ZC3H7B: variants seen among roughly 807,000 people sequenced by gnomAD.
The protein encoded by ZC3H7B is zinc finger CCCH-type containing 7B.
A neutral mutation model predicts 116.0 loss-of-function variants in ZC3H7B; 35 were observed. The observed-to-expected ratio is 0.30, with a 90% confidence interval of 0.23 to 0.40. The LOEUF is 0.40. ZC3H7B is among the 10% of genes least tolerant of loss of function. ZC3H7B has a pLI of 1.00. For synonymous variants in ZC3H7B, 502 were observed against 545.6 expected, an observed-to-expected ratio of 0.92 and a Z score of 1.11; for missense variants, 1,011 against 1,321.5, an observed-to-expected ratio of 0.77 and a Z score of 3.64.
intron 1 of ZC3H7B, among the ~76,000 whole-genome samples, chr22:41,319,583 A>G (rs2036228779): frequency 6.6e-6 from 1 of 151,150 alleles, no homozygotes; most frequent in South Asian, 2.1e-4. Context: ...AAAAAAAAAA[A>G]AAAAAAGGTC....
At chr22:41,316,666 A>C (rs1030591331) in intron 1 of ZC3H7B, among the ~76,000 whole-genome samples, 3 of 133,060 alleles carry the variant, frequency 2.3e-5, no homozygotes, top group Non-Finnish European at 3.1e-5. Flanking sequence ...TGGCACGATC[A>C]CGGTTCACTG....
chr22:41,347,028 C>T (rs1224308633), intron 14 of ZC3H7B, among the ~76,000 whole-genome samples: 2 of 152,074 alleles, frequency 1.3e-5, no homozygotes, highest in Non-Finnish European at 2.9e-5. Context: ...GCAGATATCC[C>T]CATTTTACAG....
At chr22:41,348,760 A>G (rs2036620521) in intron 15 of ZC3H7B, among the ~76,000 whole-genome samples, 1 of 152,182 alleles carries the variant, frequency 6.6e-6, no homozygotes, top group South Asian at 2.1e-4. Flanking sequence ...CTGGGGCTGC[A>G]GTGAGGGTAA....
chr22:41,332,320 G>GCC (rs1205237034), intron 7 of ZC3H7B, 93 bp downstream of exon 7: 1 of 1,492,622 alleles, frequency 6.7e-7, no homozygotes, highest in Non-Finnish European at 9.3e-7. Flanking sequence ...CAGGCAGTGG[G>GCC]TCCAGGGGCC....
At position 41,301,667 on chromosome 22, in the gene ZC3H7B, AT is replaced by A. The variant is rs1211387320; in HGVS notation, c.-109del. ...ATGCGGCCGCCCGTAATTAAATAGCATTTACTCTTATTATTACTAATAATAA... is the reference window on the plus strand; with the variant it reads ...ATGCGGCCGCCCGTAATTAAATAGCATTACTCTTATTATTACTAATAATAA... On this transcript the variant is annotated 5_prime_UTR_variant, in exon 1 of 23. Transcript: ENST00000352645. The A allele has an allele frequency of 6.6e-6, 1 of 152,146 alleles. No homozygotes were observed. The highest frequency in any genetic ancestry group is 1.5e-5 in the Non-Finnish European group (1 of 68,018). 9.4% of individuals were successfully genotyped at this position (152,146 alleles called of 1,614,324 possible). A position where few individuals can be genotyped will look rare whatever the true frequency, so the allele number is the denominator to read the frequency against.
Position 41,320,635 on chromosome 22 carries a change from G to A in ZC3H7B, c.-6-20G>A, listed in dbSNP as rs1236957032. Reference sequence around the variant, plus strand: ...CCTGGCTCTTGCTGACTGACTGATGGACTGTGCTCTCTTCCCCAGAGACTG... The same window carrying A: ...CCTGGCTCTTGCTGACTGACTGATGAACTGTGCTCTCTTCCCCAGAGACTG... On this transcript the variant is annotated intron_variant, in intron 1 of 22. Coordinates refer to ENST00000352645, the MANE Select transcript of ZC3H7B (RefSeq NM_017590.6). The A allele has an allele frequency of 1.2e-6, 2 of 1,613,448 alleles. No homozygotes were observed. Among genetic ancestry groups the A allele is most frequent in the Non-Finnish European group, 1.7e-6 (2 of 1,179,694 alleles).
chr22:41,305,176 C>G (rs537764475), intron 1 of ZC3H7B, among the ~76,000 whole-genome samples: 1 of 152,276 alleles, frequency 6.6e-6, no homozygotes, highest in Admixed American at 6.5e-5. Flanking sequence ...GAAACCCCAC[C>G]TCTACTAAAA....
At position 41,348,208 on chromosome 22, in the gene ZC3H7B, G is replaced by A. The variant is rs745644348; in HGVS notation, c.1766+41G>A. 3.8e-6 allele frequency: 6 copies of A among 1,564,680 alleles called. No individual in the cohort carries two copies. In the African/African-American group the frequency reaches 6.8e-5, roughly 18 times the overall value. ...AGCCCAGGCTGAGGCCTAGGGGCCA[G>A]TGGAGAGTCCCCTCAGGCAGCTCAG... On this transcript the variant is annotated intron_variant, in intron 15 of 22. Coordinates refer to ENST00000352645, the MANE Select transcript of ZC3H7B (RefSeq NM_017590.6).
At chr22:41,317,117 C>T (rs981057479) in intron 1 of ZC3H7B, among the ~76,000 whole-genome samples, 6 of 152,086 alleles carry the variant, frequency 3.9e-5, no homozygotes, top group Admixed American at 6.6e-5. Context: ...GGATTACAGG[C>T]GTGAGCCACC....
rs2036470520 is a variant in ZC3H7B at position 41,338,223 on chromosome 22, A to G, written c.583-90A>G. The G allele has an allele frequency of 7.1e-7, 1 of 1,401,738 alleles. No individual in the cohort carries two copies. The highest frequency in any genetic ancestry group is 1.5e-5 in the African/African-American group (1 of 68,026). 86.8% of individuals were successfully genotyped at this position (1,401,738 alleles called of 1,614,324 possible). ...TCTAAGTGCTCCTCGGTGCTGGGTC[A>G]ACAGCATAGTCACGTGGGGAGGGGC... is the stretch of plus-strand genomic sequence containing the variant. On this transcript the variant is annotated intron_variant, in intron 7 of 22. Coordinates refer to ENST00000352645, the MANE Select transcript of ZC3H7B (RefSeq NM_017590.6). The surrounding 1 kb of genome is among the most constrained non-coding windows in gnomAD (Gnocchi z 4.5).
At chr22:41,329,793 T>G (rs1278959448) in intron 5 of ZC3H7B, among the ~76,000 whole-genome samples, 2 of 152,214 alleles carry the variant, frequency 1.3e-5, no homozygotes, top group Non-Finnish European at 2.9e-5. Context: ...ATGATTCATT[T>G]TCCATCCCCA....
At chr22:41,323,873 A>T (rs1601772942) in intron 2 of ZC3H7B, among the ~76,000 whole-genome samples, 1 of 152,188 alleles carries the variant, frequency 6.6e-6, no homozygotes, top group African/African-American at 2.4e-5. Context: ...GATCCCGACC[A>T]TCCCGGCTAA....
At chr22:41,326,598 C>T (rs183737112) in intron 4 of ZC3H7B, among the ~76,000 whole-genome samples, 2 of 152,082 alleles carry the variant, frequency 1.3e-5, no homozygotes, top group Admixed American at 6.6e-5. Context: ...TGTTTCTTTG[C>T]GGACTTCAGT....
In ZC3H7B at chr22:41,343,442, G is replaced by A. The variant is rs200457581; in HGVS notation, c.1325G>A (p.Arg442His). Residue 442 changes from arginine (R) to histidine (H), a missense_variant, in exon 13 of 23, where the codon CGT becomes CAT. Coordinates refer to ENST00000352645, the MANE Select transcript of ZC3H7B (RefSeq NM_017590.6). The part of the protein sequence containing the change: ...TGPRAGDYTY[R>H]EGLEHKCKRD... ...CCCCGGGCTGGCGACTACACCTACCGTGAGGGCCTTGAGCACAAGTGCAAG... is the reference window on the plus strand; with the variant it reads ...CCCCGGGCTGGCGACTACACCTACCATGAGGGCCTTGAGCACAAGTGCAAG... 45 of 1,613,356 alleles carry A rather than the reference G, an allele frequency of 2.8e-5. No homozygotes were observed. The highest frequency in any genetic ancestry group is 4.0e-5 in the African/African-American group (3 of 74,934).
At chr22:41,344,419 G>A (rs1601789938) in intron 13 of ZC3H7B, among the ~76,000 whole-genome samples, 1 of 152,124 alleles carries the variant, frequency 6.6e-6, no homozygotes, top group South Asian at 2.1e-4. Context: ...AGACCTACAC[G>A]TGCCCGTATC....
At chr22:41,317,108 G>A (rs111522901) in intron 1 of ZC3H7B, among the ~76,000 whole-genome samples, 3 of 152,086 alleles carry the variant, frequency 2.0e-5, no homozygotes. Flanking sequence ...AAAGTGCTGG[G>A]ATTACAGGCG....
intron 1 of ZC3H7B, among the ~76,000 whole-genome samples, chr22:41,313,373 A>G (rs2036143104): frequency 6.6e-6 from 1 of 152,086 alleles, no homozygotes; most frequent in Admixed American, 6.6e-5. Flanking sequence ...TGGCCTCCCA[A>G]AGTGTTGGAA....
chr22:41,306,960 G>C (rs2036049999), intron 1 of ZC3H7B, among the ~76,000 whole-genome samples: 1 of 150,658 alleles, frequency 6.6e-6, no homozygotes, highest in Non-Finnish European at 1.5e-5. Flanking sequence ...CCTCCACAGA[G>C]GTCAGCTCCT....
At chr22:41,317,311 T>G (rs757461251) in intron 1 of ZC3H7B, among the ~76,000 whole-genome samples, 1 of 152,166 alleles carries the variant, frequency 6.6e-6, no homozygotes, top group Non-Finnish European at 1.5e-5. Flanking sequence ...AATACCATCC[T>G]TCCCCCATTC....
Sources: allele counts gnomAD v4.1 joint callset (sites outside exome capture counted in the v4.1 genomes callset), GRCh38; gene constraint gnomAD v4.1.1; non-coding constraint Gnocchi (gnomAD v3.1); transcripts MANE v1.5; gene names NCBI Gene and HGNC (gene_info 2026-07-23, HGNC 2026-07-21).